The following KCNC1 variants were observed in gnomAD, a reference collection of about 807,000 sequenced individuals.
KCNC1 encodes voltage-gated potassium channel KCNC1.
KCNC1 carries 8 observed loss-of-function variants against 43.4 expected under a neutral mutation model. The observed-to-expected ratio is 0.18, with a 90% CI of 0.11 to 0.33. The LOEUF (loss-of-function observed/expected upper bound fraction) is 0.33, where lower values mean the gene tolerates loss of function less well. KCNC1 is among the 10% of genes least tolerant of loss of function. The pLI, the probability that KCNC1 is intolerant of heterozygous loss-of-function variation, is 1.00. For missense variants in KCNC1, 420 were observed against 836.0 expected (o/e 0.50, Z 6.14); for synonymous variants, 361 against 360.5 (o/e 1.00, Z -0.01).
chr11:17,747,329 A>G (rs1848911926), intron 1 of KCNC1, among the ~76,000 whole-genome samples: 1 of 152,118 alleles, frequency 6.6e-6, no homozygotes, highest in Non-Finnish European at 1.5e-5. Flanking sequence ...CAGGTGTGGC[A>G]GGGTATAAAG....
chr11:17,763,825 A>G (rs1258336430), intron 1 of KCNC1, among the ~76,000 whole-genome samples: 3 of 132,814 alleles, frequency 2.3e-5, no homozygotes. Flanking sequence ...ACACCACCTC[A>G]CACATGCTTA....
At chr11:17,770,574 C>T (rs1849213394) in intron 1 of KCNC1, among the ~76,000 whole-genome samples, 1 of 152,204 alleles carries the variant, frequency 6.6e-6, no homozygotes, top group African/African-American at 2.4e-5. Context: ...GATTCTGTCT[C>T]CTCGGTACCC....
rs1848857656 is a variant in KCNC1, at chr11:17,742,874, G to A, written c.570+6302G>A. Among the ~76,000 whole-genome samples the A allele has an allele frequency of 6.6e-6, 1 of 152,112 alleles. No homozygotes were observed. The highest frequency in any genetic ancestry group is 1.5e-5 in the Non-Finnish European group (1 of 68,032). ...TTTACAAGAACACCAAACCCCACCT[G>A]GGCGTGCTGTTCTTCTCTTATCTAC... On this transcript the variant is annotated intron_variant, in intron 1 of 3. Transcript: ENST00000265969. This position sits in a 1 kb window ranked among gnomAD's most constrained non-coding sequence, Gnocchi z 4.2.
chr11:17,776,215 T>C lies in KCNC1; in HGVS notation c.1505-3241T>C. On this transcript the variant is annotated intron_variant, in intron 2 of 3. Coordinates refer to ENST00000265969, the MANE Select transcript of KCNC1 (RefSeq NM_001112741.2). This position sits in a 1 kb window ranked among gnomAD's most constrained non-coding sequence, Gnocchi z 4.4. ...TCTTTCTCTCTCTCTCCACTAATCA[T>C]GTTTCTCTCTCTCTCCTCGTTTTGT... The C allele has an allele frequency of 1.0e-6, 1 of 985,466 alleles. No individual in the cohort carries two copies. Among genetic ancestry groups the C allele is most frequent in the Non-Finnish European group, 1.2e-6 (1 of 829,944 alleles). The allele number at this position is 985,466 out of a possible 1,614,324, so 61.0% of individuals were successfully genotyped here.
rs960748149 is a variant in KCNC1, at chr11:17,777,631, T to C, written c.1505-1825T>C. On this transcript the variant is annotated intron_variant, in intron 2 of 3. Transcript: ENST00000265969. This position sits in a 1 kb window ranked among gnomAD's most constrained non-coding sequence, Gnocchi z 4.3. Reference sequence around the variant, plus strand: ...ACGCCCCGGCCCCAGTCACATGGTGTCAGAGTTACCTTGGCAACTGGCCTT... The same window carrying C: ...ACGCCCCGGCCCCAGTCACATGGTGCCAGAGTTACCTTGGCAACTGGCCTT... 3 of 985,728 alleles carry C rather than the reference T, an allele frequency of 3.0e-6. No individual in the cohort carries two copies. In the African/African-American group the frequency reaches 5.2e-5, roughly 17 times the overall value. 61.1% of individuals were successfully genotyped at this position (985,728 alleles called of 1,614,324 possible).
chr11:17,740,242 G>A (rs1380607901), intron 1 of KCNC1, among the ~76,000 whole-genome samples: 1 of 152,212 alleles, frequency 6.6e-6, no homozygotes, highest in Non-Finnish European at 1.5e-5. Context: ...GAGGGGATGA[G>A]CTGGGACAGG....
rs980990559 is a variant in KCNC1, at chr11:17,749,994, G to A, written c.570+13422G>A. 3.9e-5 allele frequency among the ~76,000 whole-genome samples: 6 copies of A among 152,376 alleles called. No individual in the cohort carries two copies. In the Middle Eastern group the frequency reaches 0.01, roughly 259 times the overall value. On this transcript the variant is annotated intron_variant, in intron 1 of 3. Transcript: ENST00000265969. ...GGCCACCATCTCAAGTGCAAGGGGA[G>A]TGTAGGGAGGGGACAGGCTAAAGGA...
At position 17,777,897 on chromosome 11, in the gene KCNC1, C is replaced by G; in HGVS notation, c.1505-1559C>G. 1.1e-6 allele frequency: 1 copy of G among 948,848 alleles called. No individual in the cohort carries two copies. The highest frequency in any genetic ancestry group is 1.3e-6 in the Non-Finnish European group (1 of 795,922). 58.8% of individuals were successfully genotyped at this position (948,848 alleles called of 1,614,324 possible). The stretch of plus-strand genomic sequence containing the variant: ...TAATCCCACCCACGTGCACGCCCAG[C>G]GTGTGCACGTGGGGAAGGATCACTT... On this transcript the variant is annotated intron_variant, in intron 2 of 3. Coordinates refer to ENST00000265969, the MANE Select transcript of KCNC1 (RefSeq NM_001112741.2). The surrounding 1 kb of genome is among the most constrained non-coding windows in gnomAD (Gnocchi z 4.3).
In KCNC1 at chr11:17,781,609, C is replaced by T; in HGVS notation, c.1694-61C>T. 8.6e-7 allele frequency: 1 copy of T among 1,163,450 alleles called. No homozygotes were observed. Among genetic ancestry groups the T allele is most frequent in the Non-Finnish European group, 1.3e-6 (1 of 796,900 alleles). The allele number at this position is 1,163,450 out of a possible 1,614,324, so 72.1% of individuals were successfully genotyped here. A position where few individuals can be genotyped will look rare whatever the true frequency, so the allele number is the denominator to read the frequency against. The stretch of plus-strand genomic sequence containing the variant: ...CTCCTCCTTCTTAAAAACTAAGTAC[C>T]AAGCGGGATGGGAGAGCCAAGAAGA... On this transcript the variant is annotated intron_variant, in intron 3 of 3. Coordinates refer to ENST00000265969, the MANE Select transcript of KCNC1 (RefSeq NM_001112741.2). The surrounding 1 kb of genome is among the most constrained non-coding windows in gnomAD (Gnocchi z 5.1).
Position 17,772,480 on chromosome 11 carries a change from G to A in KCNC1, c.1386G>A (p.Arg462=). The part of the protein sequence containing the change: ...LPKKKKKHIP[R]PPQLGSPNYC... ...AGAAAAAAAAGAAGCATATTCCGCG[G>A]CCACCGCAGCTGGGATCTCCCAATT... Residue 462 remains arginine, a synonymous_variant, in exon 2 of 4, where the codon CGG becomes CGA. Coordinates refer to ENST00000265969, the MANE Select transcript of KCNC1 (RefSeq NM_001112741.2). 1 of 1,614,226 alleles carries A rather than the reference G, an allele frequency of 6.2e-7. No homozygotes were observed. The highest frequency in any genetic ancestry group is 8.5e-7 in the Non-Finnish European group (1 of 1,180,040).
At chr11:17,761,270 A>G (rs1849075189) in intron 1 of KCNC1, among the ~76,000 whole-genome samples, 1 of 152,254 alleles carries the variant, frequency 6.6e-6, no homozygotes, top group African/African-American at 2.4e-5. Flanking sequence ...TTAGAGAGAA[A>G]GGCCTAAAAC....
chr11:17,777,196 C>G lies in KCNC1; in HGVS notation c.1505-2260C>G. 1.0e-6 allele frequency: 1 copy of G among 985,740 alleles called. No homozygotes were observed. The highest frequency in any genetic ancestry group is 1.2e-6 in the Non-Finnish European group (1 of 830,008). The allele number at this position is 985,740 out of a possible 1,614,324, so 61.1% of individuals were successfully genotyped here. On this transcript the variant is annotated intron_variant, in intron 2 of 3. Transcript: ENST00000265969. This position sits in a 1 kb window ranked among gnomAD's most constrained non-coding sequence, Gnocchi z 4.3. Reference sequence around the variant, plus strand: ...TGGGCGGGGGCCCAGCATTCAGAGCCAGAGAAGGGTCTCAGGCGGCACCAT... The same window carrying G: ...TGGGCGGGGGCCCAGCATTCAGAGCGAGAGAAGGGTCTCAGGCGGCACCAT...
At position 17,781,763 on chromosome 11, in the gene KCNC1, G is replaced by C; in HGVS notation, c.*29G>C. 3 of 1,504,418 alleles carry C rather than the reference G, an allele frequency of 2.0e-6. No homozygotes were observed. Among genetic ancestry groups the C allele is most frequent in the Non-Finnish European group, 2.7e-6 (3 of 1,103,868 alleles). 93.2% of individuals were successfully genotyped at this position (1,504,418 alleles called of 1,614,324 possible). Reference sequence around the variant, plus strand: ...GGCGGCTTGGCCGAGGACACTGGTGGCTATTAAGCATCTGGGTGGACCTGC... The same window carrying C: ...GGCGGCTTGGCCGAGGACACTGGTGCCTATTAAGCATCTGGGTGGACCTGC... On this transcript the variant is annotated 3_prime_UTR_variant, in exon 4 of 4. Coordinates refer to ENST00000265969, the MANE Select transcript of KCNC1 (RefSeq NM_001112741.2). This position sits in a 1 kb window ranked among gnomAD's most constrained non-coding sequence, Gnocchi z 5.1.
In KCNC1 at chr11:17,779,392, TC is replaced by T. The variant is rs1018086648; in HGVS notation, c.1505-57del. Reference sequence around the variant, plus strand: ...CTGCCAATACCCCGCTTCTGGCCTGTCCCCCCCTGCCCCCCACTAAACAGTT... The same window carrying T: ...CTGCCAATACCCCGCTTCTGGCCTGTCCCCCCTGCCCCCCACTAAACAGTT... On this transcript the variant is annotated intron_variant, in intron 2 of 3. Coordinates refer to ENST00000265969, the MANE Select transcript of KCNC1 (RefSeq NM_001112741.2). This position sits in a 1 kb window ranked among gnomAD's most constrained non-coding sequence, Gnocchi z 7.2. 4.0e-4 allele frequency: 533 copies of T among 1,330,840 alleles called. No homozygotes were observed. Among genetic ancestry groups the T allele is most frequent in the Non-Finnish European group, 4.4e-4 (446 of 1,013,910 alleles). The allele number at this position is 1,330,840 out of a possible 1,614,324, so 82.4% of individuals were successfully genotyped here.
intron 2 of KCNC1, among the ~76,000 whole-genome samples, chr11:17,778,624 C>T (rs2133809836): frequency 6.6e-6 from 1 of 152,250 alleles, no homozygotes; most frequent in South Asian, 2.1e-4. Context: ...TTGGGTCCGT[C>T]CATGTGGGGG....
At chr11:17,756,003 A>G (rs532462882) in intron 1 of KCNC1, among the ~76,000 whole-genome samples, 4 of 152,284 alleles carry the variant, frequency 2.6e-5, no homozygotes, top group African/African-American at 9.6e-5. Context: ...AGGTAGGAAG[A>G]AAATCCAGAG....
At position 17,739,003 on chromosome 11, in the gene KCNC1, G is replaced by A. The variant is rs959748028; in HGVS notation, c.570+2431G>A. On this transcript the variant is annotated intron_variant, in intron 1 of 3. Coordinates refer to ENST00000265969, the MANE Select transcript of KCNC1 (RefSeq NM_001112741.2). The surrounding 1 kb of genome is among the most constrained non-coding windows in gnomAD (Gnocchi z 4.2). ...ACTCGGGAGCTGAGGAGGGCAGAGC[G>A]GGATTAGAACCCCAGCTTCCTGCCG... 1.3e-5 allele frequency among the ~76,000 whole-genome samples: 2 copies of A among 152,248 alleles called. No individual in the cohort carries two copies. Among genetic ancestry groups the A allele is most frequent in the African/African-American group, 2.4e-5 (1 of 41,472 alleles).
At chr11:17,755,812 C>G (rs547816032) in intron 1 of KCNC1, among the ~76,000 whole-genome samples, 17 of 152,034 alleles carry the variant, frequency 1.1e-4, no homozygotes, top group Non-Finnish European at 2.2e-4. Context: ...TGGAGATAAG[C>G]CTTTGAGAGT....
chr11:17,744,844 G>A (rs889721680), intron 1 of KCNC1, among the ~76,000 whole-genome samples: 12 of 152,110 alleles, frequency 7.9e-5, no homozygotes, highest in African/African-American at 2.9e-4. Flanking sequence ...GAATTACCTG[G>A]GATGCTTAAA....
Sources: gnomAD v4.1 joint callset for allele counts (sites outside exome capture counted in the v4.1 genomes callset) on GRCh38, gnomAD v4.1.1 for gene constraint, Gnocchi (gnomAD v3.1) non-coding constraint, MANE v1.5 for transcripts, NCBI Gene and HGNC (gene_info 2026-07-23, HGNC 2026-07-21) for gene names.